Variants in ETV1 observed in about 807,000 individuals in gnomAD.
ETV1 encodes ETS translocation variant 1.
ETV1 carries 27 observed loss-of-function variants against 62.3 expected under a neutral mutation model. That is an observed-to-expected ratio of 0.43 (90% CI 0.32 to 0.60). The LOEUF is 0.60. Among genes scored for constraint, ETV1 ranks in the 20% least tolerant of loss-of-function variants. ETV1 has a pLI of 0.06. For synonymous variants in ETV1, 222 were observed against 199.6 expected (o/e 1.11, Z -0.94); for missense variants, 605 against 605.8 (o/e 1.00, Z 0.01).
At chr7:13,901,696 T>C (rs559704457) in intron 12 of ETV1, among the ~76,000 whole-genome samples, 2 of 152,284 alleles carry the variant, frequency 1.3e-5, no homozygotes, top group South Asian at 2.1e-4. Flanking sequence ...TTTTATTGCC[T>C]AAAGCAGCAG....
chr7:13,987,984 A>G, intron 4 of ETV1, 102 bp downstream of exon 4: 1 of 688,708 alleles, frequency 1.5e-6, no homozygotes. Context: ...AGTAATTTCA[A>G]AGTTTATTAT....
At position 13,929,410 on chromosome 7, in the gene ETV1, A is replaced by G. The variant is rs1001744168; in HGVS notation, c.802+2092T>C. Among the ~76,000 whole-genome samples, 7 of 152,212 alleles carry G rather than the reference A, an allele frequency of 4.6e-5. No individual in the cohort carries two copies. In the East Asian group the frequency reaches 5.8e-4, roughly 13 times the overall value. On this transcript the variant is annotated intron_variant, in intron 9 of 13. Coordinates refer to ENST00000430479, the MANE Select transcript of ETV1 (RefSeq NM_004956.5). ...CTTCTCATCTTTGCAACTGTATACC[A>G]TAACAACCTCTCAGCCATGTCAAGT...
At chr7:13,906,820 G>A (rs959003590) in intron 11 of ETV1, among the ~76,000 whole-genome samples, 1 of 152,004 alleles carries the variant, frequency 6.6e-6, no homozygotes, top group Non-Finnish European at 1.5e-5. Context: ...TATAACACAG[G>A]TGCAGAATAA....
At chr7:13,925,758 C>T (rs957913518) in intron 9 of ETV1, among the ~76,000 whole-genome samples, 5 of 151,632 alleles carry the variant, frequency 3.3e-5, no homozygotes, top group African/African-American at 4.8e-5. Context: ...TTAGTAGAGA[C>T]GGGGTTTCAC....
rs551198266 is a variant in ETV1, at chr7:13,961,008, C to T, written c.235+16419G>A. ...TAATAACAATTTAAAAATAGCTGGGCATGGTAGCGCACACCGGAGTCCCAG... is the reference window on the plus strand; with the variant it reads ...TAATAACAATTTAAAAATAGCTGGGTATGGTAGCGCACACCGGAGTCCCAG... On this transcript the variant is annotated intron_variant, in intron 6 of 13. Coordinates refer to ENST00000430479, the MANE Select transcript of ETV1 (RefSeq NM_004956.5). 5.9e-5 allele frequency among the ~76,000 whole-genome samples: 9 copies of T among 152,012 alleles called. No individual in the cohort carries two copies. In the South Asian group the frequency reaches 1.5e-3, roughly 25 times the overall value.
At chr7:13,932,566 G>C (rs10226532) in intron 8 of ETV1, among the ~76,000 whole-genome samples, 1 of 152,166 alleles carries the variant, frequency 6.6e-6, no homozygotes, top group African/African-American at 2.4e-5. Context: ...TGAGGCCTCA[G>C]CAGAAGGCTA....
chr7:13,948,809 C>T (rs73068195), intron 6 of ETV1, among the ~76,000 whole-genome samples: 1 of 152,280 alleles, frequency 6.6e-6, no homozygotes, highest in Non-Finnish European at 1.5e-5. Context: ...TGGAAAGTGA[C>T]ACCTGCTAGT....
chr7:13,950,011 C>T (rs769858201), intron 6 of ETV1, among the ~76,000 whole-genome samples: 11 of 152,250 alleles, frequency 7.2e-5, no homozygotes, highest in African/African-American at 2.4e-4. Context: ...GAAGTTATTT[C>T]GGCAACACAG....
intron 7 of ETV1, among the ~76,000 whole-genome samples, chr7:13,938,657 T>A (rs1316677521): frequency 6.6e-6 from 1 of 152,264 alleles, no homozygotes; most frequent in Non-Finnish European, 1.5e-5. Context: ...TAATAGCCTC[T>A]GCTAAGCCTT....
chr7:13,930,161 C>T (rs1024751764), intron 9 of ETV1, among the ~76,000 whole-genome samples: 1 of 152,050 alleles, frequency 6.6e-6, no homozygotes, highest in African/African-American at 2.4e-5. Flanking sequence ...ACCTTATAAA[C>T]ATTAGCTTTT....
chr7:13,936,203 A>G (rs1358754859), intron 7 of ETV1, among the ~76,000 whole-genome samples: 1 of 152,194 alleles, frequency 6.6e-6, no homozygotes, highest in African/African-American at 2.4e-5. Context: ...TATTTTTTCC[A>G]TCTATTCTTG....
intron 9 of ETV1, among the ~76,000 whole-genome samples, chr7:13,915,621 T>A (rs1583612883): frequency 6.6e-6 from 1 of 152,208 alleles, no homozygotes; most frequent in East Asian, 1.9e-4. Flanking sequence ...TTTATGCAGA[T>A]GTGTTTAAAT....
intron 9 of ETV1, among the ~76,000 whole-genome samples, chr7:13,919,970 C>T (rs929994479): frequency 6.6e-6 from 1 of 152,186 alleles, no homozygotes; most frequent in Admixed American, 6.5e-5. Context: ...CTCAGTTCCA[C>T]TTATAAAAAC....
intron 5 of ETV1, among the ~76,000 whole-genome samples, chr7:13,982,672 T>G (rs1403885082): frequency 6.6e-6 from 1 of 152,052 alleles, no homozygotes; most frequent in Non-Finnish European, 1.5e-5. Flanking sequence ...TAAGAGATTA[T>G]ATGGAGTTCT....
chr7:13,935,954 A>C (rs1378728377), intron 7 of ETV1, 58 bp from the exon 8 acceptor site: 1 of 1,372,688 alleles, frequency 7.3e-7, no homozygotes, highest in African/African-American at 1.5e-5. Context: ...TTTTTTAAAA[A>C]AGTTTCTAAT....
intron 9 of ETV1, among the ~76,000 whole-genome samples, chr7:13,918,584 C>G (rs915119302): frequency 4.6e-5 from 7 of 151,672 alleles, no homozygotes; most frequent in Non-Finnish European, 2.9e-5. Flanking sequence ...TTTGTAGGGA[C>G]ATGGATGAAA....
chr7:13,902,638 C>G (rs1046353387), intron 12 of ETV1, among the ~76,000 whole-genome samples: 4 of 152,126 alleles, frequency 2.6e-5, no homozygotes, highest in African/African-American at 9.7e-5. Context: ...GAACTATATG[C>G]AAACCTGGAG....
chr7:13,988,049 T>TA (rs759455246), intron 4 of ETV1, 37 bp downstream of exon 4: 40 of 1,231,088 alleles, frequency 3.2e-5, no homozygotes, highest in African/African-American at 1.0e-4. Flanking sequence ...AGAGTGTAGG[T>TA]AAAAAAATGG....
At chr7:13,962,723 A>G (rs953692305) in intron 6 of ETV1, among the ~76,000 whole-genome samples, 2 of 152,134 alleles carry the variant, frequency 1.3e-5, no homozygotes, top group East Asian at 3.8e-4. Context: ...AAAGATTTTC[A>G]TAGACAAACA....
Sources: gnomAD v4.1 joint callset for allele counts (sites outside exome capture counted in the v4.1 genomes callset) on GRCh38, gnomAD v4.1.1 for gene constraint, MANE v1.5 for transcripts, NCBI Gene and HGNC (gene_info 2026-07-23, HGNC 2026-07-21) for gene names.